PDE10A: variants seen among roughly 807,000 people sequenced by gnomAD.
PDE10A encodes phosphodiesterase 10A, also known as cAMP and cAMP-inhibited cGMP 3',5'-cyclic phosphodiesterase 10A.
Under a neutral mutation model 97.7 loss-of-function variants are expected in PDE10A, and 39 were observed. The observed-to-expected ratio is 0.40, with a 90% CI of 0.31 to 0.52. The LOEUF is 0.52. PDE10A is among the 20% of genes least tolerant of loss of function. PDE10A has a pLI of 0.56. For synonymous variants in PDE10A, 371 were observed against 376.8 expected, an observed-to-expected ratio of 0.98 and a Z score of 0.18; for missense variants, 731 against 1,047.8, an observed-to-expected ratio of 0.70 and a Z score of 4.17.
At chr6:165,823,516 A>AT (rs1562754464) in intron 1 of PDE10A, among the ~76,000 whole-genome samples, 11 of 92,668 alleles carry the variant, frequency 1.2e-4, no homozygotes, top group Non-Finnish European at 2.4e-4. Context: ...ATATATATAT[A>AT]TATATATATG....
chr6:165,482,446 G>A, intron 2 of PDE10A, 103 bp from the exon 3 acceptor site: 2 of 839,610 alleles, frequency 2.4e-6, no homozygotes, highest in Admixed American at 1.8e-5. Flanking sequence ...GGGTTTTTTT[G>A]CAATGCTTCC....
chr6:165,456,949 T>A (rs745927323), intron 3 of PDE10A, among the ~76,000 whole-genome samples: 5 of 152,220 alleles, frequency 3.3e-5, no homozygotes, highest in Non-Finnish European at 5.9e-5. Context: ...TACTGTAAAA[T>A]GTAAAATTAC....
chr6:165,433,042 C>T lies in PDE10A; in HGVS notation c.1423G>A (p.Asp475Asn). 6.2e-7 allele frequency: 1 copy of T among 1,613,264 alleles called. No individual in the cohort carries two copies. Among genetic ancestry groups the T allele is most frequent in the Non-Finnish European group, 8.5e-7 (1 of 1,179,254 alleles). ...TACAGCTCGAGAATACCAATCAAGTCACCAATTGCAGTGACAATTGGTAAG... is the reference window on the plus strand; with the variant it reads ...TACAGCTCGAGAATACCAATCAAGTTACCAATTGCAGTGACAATTGGTAAG... Reference protein sequence around the residue: ...LCLPIVTAIGDLIGILELYRH... With the variant: ...LCLPIVTAIGNLIGILELYRH... The change falls in exon 7 of 22, where the codon GAC becomes AAC. Residue 475 changes from aspartate to asparagine, a missense_variant. Coordinates refer to ENST00000539869, the MANE Select transcript of PDE10A (RefSeq NM_001385079.1).
chr6:165,762,936 A>G (rs1720642787), intron 1 of PDE10A, among the ~76,000 whole-genome samples: 1 of 151,674 alleles, frequency 6.6e-6, no homozygotes, highest in Non-Finnish European at 1.5e-5. Context: ...GAAAAAAAAG[A>G]AAAAAAAAGA....
intron 1 of PDE10A, among the ~76,000 whole-genome samples, chr6:165,978,577 T>A (rs1420049174): frequency 2.6e-5 from 4 of 152,180 alleles, no homozygotes; most frequent in Non-Finnish European, 1.5e-5. Flanking sequence ...CTAAGAAGCA[T>A]CATATGAATC....
rs942896188 is a variant in PDE10A at position 165,733,292 on chromosome 6, T to A, written c.-614-189724A>T. ...ATATCTGCAGCAGGATTTACTTTTC[T>A]TATATATCATTTTAGATTAGAAACA... On this transcript the variant is annotated intron_variant, in intron 1 of 19. Coordinates refer to the PDE10A transcript ENST00000366882. Among the ~76,000 whole-genome samples, 5 of 152,236 alleles carry A rather than the reference T, an allele frequency of 3.3e-5. 1 individual carries two copies. Among genetic ancestry groups the A allele is most frequent in the African/African-American group, 1.2e-4 (5 of 41,458 alleles).
At position 165,363,522 on chromosome 6, in the gene PDE10A, GA is replaced by G. The variant is rs111559450; in HGVS notation, c.2783+15671del. Among the ~76,000 whole-genome samples the G allele has an allele frequency of 3.1e-3, 432 of 140,380 alleles. 2 individuals carry two copies. Among genetic ancestry groups the G allele is most frequent in the African/African-American group, 0.01 (399 of 38,224 alleles). 92.1% of individuals were successfully genotyped at this position (140,380 alleles called of 152,430 possible). On this transcript the variant is annotated intron_variant, in intron 18 of 21. Transcript: ENST00000539869. ...CTGAGTGAGACTCTGTCTCAAAAAAGAAAAAAAAAACAGAAAAGAAAAGAAA... is the reference window on the plus strand; with the variant it reads ...CTGAGTGAGACTCTGTCTCAAAAAAGAAAAAAAAACAGAAAAGAAAAGAAA...
chr6:165,782,317 C>A (rs1323652815), intron 1 of PDE10A, among the ~76,000 whole-genome samples: 1 of 152,228 alleles, frequency 6.6e-6, no homozygotes, highest in African/African-American at 2.4e-5. Flanking sequence ...TGCTCACAGG[C>A]ATTGCTGTAG....
chr6:165,958,235 A>G lies in PDE10A; in HGVS notation c.-615+29294T>C, dbSNP rs563555161. Among the ~76,000 whole-genome samples the G allele has an allele frequency of 1.1e-4, 16 of 152,290 alleles. No individual in the cohort carries two copies. The South Asian group carries it at 3.1e-3, about 30-fold the overall frequency. ...CTGGGCTCCTCCACCCACAAAAGAC[A>G]GCAAAGCCCGCCAGGCAGGAGGTTT... On this transcript the variant is annotated intron_variant, in intron 1 of 19. Coordinates refer to the PDE10A transcript ENST00000366882.
At chr6:165,739,057 A>G (rs947471747) in intron 1 of PDE10A, among the ~76,000 whole-genome samples, 16 of 152,224 alleles carry the variant, frequency 1.1e-4, no homozygotes, top group African/African-American at 3.6e-4. Flanking sequence ...TAAAATATCC[A>G]TATTACTCAA....
At chr6:165,409,457 G>C (rs948302363) in intron 13 of PDE10A, 1 of 152,504 alleles carries the variant, frequency 6.6e-6, no homozygotes, top group Admixed American at 6.5e-5. Context: ...TGAGGCTGGA[G>C]AATCGTTTAA....
At chr6:165,392,610 G>C (rs1429156708) in intron 16 of PDE10A, 36 bp downstream of exon 16, 2 of 1,587,342 alleles carry the variant, frequency 1.3e-6, no homozygotes, top group African/African-American at 2.7e-5. Flanking sequence ...AATCCACTGA[G>C]GTTACGAGAA....
intron 1 of PDE10A, among the ~76,000 whole-genome samples, chr6:165,891,000 A>G (rs1054808145): frequency 2.6e-5 from 4 of 152,196 alleles, no homozygotes; most frequent in African/African-American, 9.6e-5. Flanking sequence ...CAACCTTACA[A>G]CCTAGTAGAC....
chr6:165,935,058 C>G (rs1392590938), intron 1 of PDE10A, among the ~76,000 whole-genome samples: 1 of 152,170 alleles, frequency 6.6e-6, no homozygotes. Context: ...GTTCCTTCCC[C>G]CAAGAAGTTC....
chr6:165,661,963 C>T lies in PDE10A; in HGVS notation c.849G>A (p.Glu283=), dbSNP rs767874928. The change falls in exon 1 of 22, where the codon GAG becomes GAA. Residue 283 remains glutamate (E), a synonymous_variant. Coordinates refer to ENST00000539869, the MANE Select transcript of PDE10A (RefSeq NM_001385079.1). This position sits in a 1 kb window ranked among gnomAD's most constrained non-coding sequence, Gnocchi z 4.8. ...NNASCFRRLT[E]CFLSPSLTDE... is the part of the protein sequence containing the mutation. ...GCCACTTACTGGGGCTCAGGAAGCACTCGGTCAGCCTTCGGAAGCAGCTCG... is the reference window on the plus strand; with the variant it reads ...GCCACTTACTGGGGCTCAGGAAGCATTCGGTCAGCCTTCGGAAGCAGCTCG... The T allele has an allele frequency of 1.6e-5, 18 of 1,157,376 alleles. No individual in the cohort carries two copies. The highest frequency in any genetic ancestry group is 2.0e-5 in the Non-Finnish European group (16 of 793,402). 71.7% of individuals were successfully genotyped at this position (1,157,376 alleles called of 1,614,324 possible). A position where few individuals can be genotyped will look rare whatever the true frequency, so the allele number is the denominator to read the frequency against.
intron 17 of PDE10A, among the ~76,000 whole-genome samples, chr6:165,384,355 C>T (rs1387057118): frequency 6.6e-6 from 1 of 152,084 alleles, no homozygotes; most frequent in Non-Finnish European, 1.5e-5. Context: ...GAGCTCTACA[C>T]AGCGACGGGC....
At chr6:165,701,778 TGTGTGTGTGTGC>T (rs1188667151) in intron 1 of PDE10A, among the ~76,000 whole-genome samples, 2 of 150,742 alleles carry the variant, frequency 1.3e-5, no homozygotes, top group African/African-American at 2.4e-5. Context: ...TATGTTTGCG[TGTGTGTGTGTGC>T]ATGTGTGTGT....
At chr6:165,804,752 G>A (rs1024955719) in intron 1 of PDE10A, among the ~76,000 whole-genome samples, 7 of 152,026 alleles carry the variant, frequency 4.6e-5, no homozygotes, top group Non-Finnish European at 8.8e-5. Flanking sequence ...GGGTGAGCGC[G>A]GGGTCGGGGA....
chr6:165,831,346 T>C (rs1348397894), intron 1 of PDE10A, among the ~76,000 whole-genome samples: 2 of 96,606 alleles, frequency 2.1e-5, no homozygotes, highest in East Asian at 7.3e-4. Flanking sequence ...CACTCCAGCC[T>C]GGGCGAGAGA....
Sources: gnomAD v4.1 joint callset for allele counts (sites outside exome capture counted in the v4.1 genomes callset) on GRCh38, gnomAD v4.1.1 for gene constraint, Gnocchi (gnomAD v3.1) non-coding constraint, MANE v1.5 for transcripts, NCBI Gene and HGNC (gene_info 2026-07-23, HGNC 2026-07-21) for gene names.